Variants in CEP63 observed in about 807,000 individuals in gnomAD.
CEP63 encodes centrosomal protein of 63 kDa.
Under a neutral mutation model 89.1 loss-of-function variants are expected in CEP63, and 84 were observed. That is an observed-to-expected ratio of 0.94 (90% CI 0.79 to 1.13). The LOEUF is 1.13. Ranked by LOEUF, CEP63 falls within the 50% of genes most tolerant of loss-of-function variation. The probability of loss-of-function intolerance (pLI) is 0.00; values close to 1 mark genes in which losing one functional copy is unlikely to be tolerated. For missense variants in CEP63, 838 were observed against 813.3 expected (o/e 1.03, Z -0.37); for synonymous variants, 267 against 272.5 (o/e 0.98, Z 0.20).
downstream of CEP63, among the ~76,000 whole-genome samples, chr3:134,567,655 T>C (rs1420982617): frequency 6.6e-6 from 1 of 152,180 alleles, no homozygotes; most frequent in African/African-American, 2.4e-5. Context: ...TCATTGCTTG[T>C]GGTGTGGGGT....
chr3:134,520,500 G>A (rs1258109839), intron 3 of CEP63, among the ~76,000 whole-genome samples: 1 of 152,140 alleles, frequency 6.6e-6, no homozygotes, highest in African/African-American at 2.4e-5. Flanking sequence ...GATCTATTCA[G>A]TATTATTCTA....
At chr3:134,672,747 A>G in the CEP63 span, among the ~76,000 whole-genome samples, 1 of 152,016 alleles carries the variant, frequency 6.6e-6, no homozygotes, top group African/African-American at 2.4e-5. Context: ...CTACGTACTC[A>G]TTCTGTCTTC....
chr3:134,749,704 T>TGAAAAAA, the CEP63 span, among the ~76,000 whole-genome samples: 1 of 2,610 alleles, frequency 3.8e-4, no homozygotes, highest in Non-Finnish European at 1.1e-3. Flanking sequence ...CAGGGGTTGT[T>TGAAAAAA]CAAAAAAAAA....
At chr3:134,647,315 G>A in the CEP63 span, 6 of 800,912 alleles carry the variant, frequency 7.5e-6, no homozygotes, top group Middle Eastern at 3.3e-4. Context: ...GTCAGGAGCA[G>A]CCACTTTCCG....
chr3:134,746,537 A>G, the CEP63 span, among the ~76,000 whole-genome samples: 6 of 152,226 alleles, frequency 3.9e-5, no homozygotes, highest in African/African-American at 1.4e-4. Context: ...CACTCCCATC[A>G]ACAGTGTAAA....
At chr3:134,581,709 T>C (rs1241616002) in intron 10 of CEP63, among the ~76,000 whole-genome samples, 9 of 127,478 alleles carry the variant, frequency 7.1e-5, no homozygotes, top group African/African-American at 2.9e-4. Context: ...GGAGTCTCGC[T>C]CTGTTGCCCA....
At chr3:134,549,765 A>G (rs1174410093) in intron 10 of CEP63, among the ~76,000 whole-genome samples, 1 of 152,212 alleles carries the variant, frequency 6.6e-6, no homozygotes, top group Non-Finnish European at 1.5e-5. Context: ...AAAAAAAAGA[A>G]TGAAGGTCAC....
At chr3:134,744,588 C>T in the CEP63 span, among the ~76,000 whole-genome samples, 1 of 152,166 alleles carries the variant, frequency 6.6e-6, no homozygotes, top group East Asian at 1.9e-4. Flanking sequence ...GATCACAGCT[C>T]ACTGCATCCT....
chr3:134,740,298 A>G, the CEP63 span, among the ~76,000 whole-genome samples: 3 of 148,850 alleles, frequency 2.0e-5, no homozygotes, highest in Non-Finnish European at 1.5e-5. Flanking sequence ...TTATTTATTT[A>G]TTTATTTATT....
the CEP63 span, among the ~76,000 whole-genome samples, chr3:134,695,881 A>G: frequency 6.6e-6 from 1 of 152,196 alleles, no homozygotes; most frequent in African/African-American, 2.4e-5. Context: ...TCCTCACTAC[A>G]ATCTGGGGAC....
the CEP63 span, among the ~76,000 whole-genome samples, chr3:134,667,355 G>C: frequency 2.6e-5 from 4 of 152,208 alleles, no homozygotes; most frequent in Admixed American, 6.5e-5. Flanking sequence ...TTTCAGGGCA[G>C]CAAGCTTGAG....
the CEP63 span, among the ~76,000 whole-genome samples, chr3:134,766,801 C>T: frequency 6.6e-6 from 1 of 152,202 alleles, no homozygotes; most frequent in Non-Finnish European, 1.5e-5. Context: ...AAGGAGAAAC[C>T]TGTACTCATT....
intron 12 of CEP63, among the ~76,000 whole-genome samples, chr3:134,556,474 A>AAGGG (rs1956206823): frequency 1.3e-5 from 2 of 151,644 alleles, no homozygotes; most frequent in Middle Eastern, 3.4e-3. Context: ...GGAAGGAAGG[A>AAGGG]AGGGAGGGAG....
At chr3:134,607,151 G>A in the CEP63 span, 1,038 of 985,318 alleles carry the variant, frequency 1.1e-3, 21 homozygotes, top group East Asian at 0.05. Flanking sequence ...ATATTTCCAC[G>A]GCCTATGATA....
intron 3 of CEP63, among the ~76,000 whole-genome samples, chr3:134,515,549 A>G (rs1358482864): frequency 6.6e-6 from 1 of 152,266 alleles, no homozygotes; most frequent in Non-Finnish European, 1.5e-5. Flanking sequence ...AGCCGAAAGC[A>G]TTACTCAAGG....
the CEP63 span, among the ~76,000 whole-genome samples, chr3:134,696,417 G>T: frequency 6.6e-6 from 1 of 152,152 alleles, no homozygotes; most frequent in African/African-American, 2.4e-5. Flanking sequence ...AGTGTAACAG[G>T]AGCCAACAGT....
the CEP63 span, among the ~76,000 whole-genome samples, chr3:134,747,454 C>G: frequency 9.2e-5 from 14 of 152,196 alleles, no homozygotes; most frequent in African/African-American, 2.9e-4. Flanking sequence ...ACATTAGAGG[C>G]CATAGCAATG....
At chr3:134,773,057 G>A in the CEP63 span, among the ~76,000 whole-genome samples, 2 of 152,190 alleles carry the variant, frequency 1.3e-5, no homozygotes, top group African/African-American at 4.8e-5. Context: ...TGCCAAGGGT[G>A]CCTGCAGCAT....
chr3:134,551,889 A>G, intron 11 of CEP63, 37 bp from the exon 12 acceptor site: 4 of 1,415,806 alleles, frequency 2.8e-6, no homozygotes, highest in Non-Finnish European at 4.0e-6. Flanking sequence ...TGTGATTTAC[A>G]TGTTATATTT....
Sources: gnomAD v4.1 joint callset for allele counts (sites outside exome capture counted in the v4.1 genomes callset) on GRCh38, gnomAD v4.1.1 for gene constraint, MANE v1.5 for transcripts, NCBI Gene and HGNC (gene_info 2026-07-23, HGNC 2026-07-21) for gene names.